Variants in LMBR1 observed in about 807,000 individuals in gnomAD.
LMBR1 encodes the protein limb region 1 protein homolog.
In LMBR1, 52 loss-of-function variants were observed where a neutral mutation model predicts 73.9. That is an observed-to-expected ratio of 0.70 (90% confidence interval 0.56 to 0.89). The LOEUF is 0.89. Ranked by LOEUF, LMBR1 falls within the 40% of genes least tolerant of loss-of-function variation. The pLI, the probability that LMBR1 is intolerant of heterozygous loss-of-function variation, is 0.00. For missense variants in LMBR1, 539 were observed against 579.8 expected (o/e 0.93, Z 0.72); for synonymous variants, 215 against 209.4 (o/e 1.03, Z -0.23).
At chr7:156,735,352 A>G (rs775457263) in intron 9 of LMBR1, among the ~76,000 whole-genome samples, 20 of 152,116 alleles carry the variant, frequency 1.3e-4, no homozygotes, top group Non-Finnish European at 2.6e-4. Flanking sequence ...TGTTACTTTA[A>G]CATGCATTTC....
intron 16 of LMBR1, 32 bp from the exon 17 acceptor site, chr7:156,684,195 G>T: frequency 6.6e-7 from 1 of 1,521,356 alleles, no homozygotes; most frequent in Non-Finnish European, 9.1e-7. Flanking sequence ...GGTGAGAAAT[G>T]ATATATTGCT....
At chr7:156,892,057 T>C (rs1415686486) in intron 1 of LMBR1, among the ~76,000 whole-genome samples, 1 of 152,160 alleles carries the variant, frequency 6.6e-6, no homozygotes, top group Non-Finnish European at 1.5e-5. Flanking sequence ...CCAATTACAA[T>C]ACATTCTAGA....
At chr7:156,887,207 T>C (rs987733119) in intron 1 of LMBR1, among the ~76,000 whole-genome samples, 6 of 152,194 alleles carry the variant, frequency 3.9e-5, no homozygotes, top group Admixed American at 2.0e-4. Context: ...GGCTCACGCC[T>C]GTAATCCCAG....
intron 1 of LMBR1, 137 bp downstream of exon 1, chr7:156,892,790 GA>G: frequency 2.3e-6 from 1 of 434,792 alleles, no homozygotes; most frequent in Non-Finnish European, 3.9e-6. Flanking sequence ...GGTGGGGAGG[GA>G]GAGCGGCAGA....
chr7:156,701,282 G>A lies in LMBR1; in HGVS notation c.1226-13091C>T, dbSNP rs529550379. Among the ~76,000 whole-genome samples the A allele has an allele frequency of 8.5e-5, 13 of 152,274 alleles. No homozygotes were observed. In the East Asian group the frequency reaches 1.9e-3, roughly 23 times the overall value. ...GCTGCATTATTTGCAATACCCAAAA[G>A]TTGTAAACAACTCAAAGGTCTTCCA... On this transcript the variant is annotated intron_variant, in intron 15 of 16. Coordinates refer to ENST00000353442, the MANE Select transcript of LMBR1 (RefSeq NM_022458.4).
intron 1 of LMBR1, among the ~76,000 whole-genome samples, chr7:156,855,602 G>C (rs1461498752): frequency 1.4e-5 from 2 of 143,936 alleles, no homozygotes; most frequent in Non-Finnish European, 3.0e-5. Flanking sequence ...CTGATAATTT[G>C]CCAAAATTAA....
chr7:156,820,208 T>A (rs908191178), intron 4 of LMBR1, among the ~76,000 whole-genome samples: 1 of 152,066 alleles, frequency 6.6e-6, no homozygotes, highest in Non-Finnish European at 1.5e-5. Flanking sequence ...CTGAACAAAT[T>A]AACATGCCAC....
rs537375102 is a variant in LMBR1, at chr7:156,684,373, C to T, written c.1388-210G>A. Among the ~76,000 whole-genome samples the T allele has an allele frequency of 3.9e-5, 6 of 152,192 alleles. No individual in the cohort carries two copies. The East Asian group carries it at 9.7e-4, about 25-fold the overall frequency. On this transcript the variant is annotated intron_variant, in intron 16 of 16. Transcript: ENST00000353442. ...GCCTAAGCTGAAGACTGCTGCAAGG[C>T]GGAAGTCCTGCCCCTTCCAGGACAG...
chr7:156,872,844 CG>C (rs1289617161), intron 1 of LMBR1, among the ~76,000 whole-genome samples: 1 of 152,220 alleles, frequency 6.6e-6, no homozygotes, highest in South Asian at 2.1e-4. Context: ...ACCTTTGCTC[CG>C]GAACTACTGC....
intron 9 of LMBR1, among the ~76,000 whole-genome samples, chr7:156,744,903 T>C (rs1007064398): frequency 5.9e-5 from 9 of 152,150 alleles, no homozygotes; most frequent in Non-Finnish European, 8.8e-5. Context: ...TGGCTCATGG[T>C]CCCTTCCTTG....
chr7:156,853,189 T>C (rs12669986), intron 1 of LMBR1, among the ~76,000 whole-genome samples: 69,735 of 151,886 alleles, frequency 0.46, 16,217 homozygotes, highest in East Asian at 0.61. Context: ...CTGCCCGCCT[T>C]GGCCTCCCAA....
intron 5 of LMBR1, among the ~76,000 whole-genome samples, chr7:156,772,754 A>G (rs1444005311): frequency 6.6e-6 from 1 of 151,568 alleles, no homozygotes; most frequent in Admixed American, 6.6e-5. Context: ...AGACTGAGGC[A>G]GGAGAATAGC....
rs1821865100 is a variant in LMBR1 at position 156,756,312 on chromosome 7, TA to T, written c.757+80del. On this transcript the variant is annotated intron_variant, in intron 9 of 16. Transcript: ENST00000353442. ...GCAGCACAAGATTCAGAGAGGTTTA[TA>T]TTTTTTCTCTTCAATTATCTATCTT... is the stretch of plus-strand genomic sequence containing the variant. 6 of 741,652 alleles carry T rather than the reference TA, an allele frequency of 8.1e-6. No individual in the cohort carries two copies. In the South Asian group the frequency reaches 9.1e-5, roughly 11 times the overall value. 45.9% of individuals were successfully genotyped at this position (741,652 alleles called of 1,614,324 possible). A position where few individuals can be genotyped will look rare whatever the true frequency, so the allele number is the denominator to read the frequency against.
chr7:156,774,737 C>T (rs1256357273), intron 5 of LMBR1, among the ~76,000 whole-genome samples: 1 of 152,130 alleles, frequency 6.6e-6, no homozygotes, highest in Non-Finnish European at 1.5e-5. Context: ...GAGGCTGAGG[C>T]AGGAGAATCA....
intron 15 of LMBR1, among the ~76,000 whole-genome samples, chr7:156,695,332 C>A (rs1808055754): frequency 6.6e-6 from 1 of 152,158 alleles, no homozygotes; most frequent in African/African-American, 2.4e-5. Context: ...CGGTATTAGT[C>A]TGTTCTCACA....
chr7:156,785,821 A>AG (rs1461559793), intron 5 of LMBR1, among the ~76,000 whole-genome samples: 7 of 152,360 alleles, frequency 4.6e-5, no homozygotes, highest in African/African-American at 1.7e-4. Flanking sequence ...AACAGGTAGA[A>AG]GAGGAGTCAT....
At chr7:156,885,300 C>A (rs1376441337) in intron 1 of LMBR1, among the ~76,000 whole-genome samples, 1 of 151,504 alleles carries the variant, frequency 6.6e-6, no homozygotes, top group Admixed American at 6.6e-5. Flanking sequence ...TTGCAGTGAG[C>A]CAGGATCGCT....
intron 8 of LMBR1, among the ~76,000 whole-genome samples, chr7:156,758,823 G>A (rs952857695): frequency 3.3e-5 from 5 of 152,150 alleles, no homozygotes; most frequent in African/African-American, 4.8e-5. Flanking sequence ...ATAGACTAAT[G>A]CAGTGACAAT....
At chr7:156,876,857 C>T (rs961366735) in intron 1 of LMBR1, among the ~76,000 whole-genome samples, 2 of 152,066 alleles carry the variant, frequency 1.3e-5, no homozygotes, top group Admixed American at 1.3e-4. Context: ...TAAATGCTTA[C>T]ATCAAAAAGT....
Sources: allele counts gnomAD v4.1 joint callset (sites outside exome capture counted in the v4.1 genomes callset), GRCh38; gene constraint gnomAD v4.1.1; transcripts MANE v1.5; gene names NCBI Gene and HGNC (gene_info 2026-07-23, HGNC 2026-07-21).